The following SEPTIN11 variants were observed in gnomAD, a reference collection of about 807,000 sequenced individuals.
SEPTIN11 encodes the protein septin-11.
In SEPTIN11, 25 loss-of-function variants were observed where a neutral mutation model predicts 51.4. The observed-to-expected ratio is 0.49, with a 90% CI of 0.35 to 0.68. SEPTIN11 has a LOEUF of 0.68. Ranked by LOEUF, SEPTIN11 falls within the 30% of genes least tolerant of loss-of-function variation. SEPTIN11 has a pLI of 0.00. For missense variants in SEPTIN11, 381 were observed against 520.8 expected (o/e 0.73, Z 2.61); for synonymous variants, 174 against 184.1 (o/e 0.95, Z 0.44).
Position 77,036,734 on chromosome 4 carries a change from CT to C in SEPTIN11, c.*2228del. 6.5e-7 allele frequency: 1 copy of C among 1,534,838 alleles called. No homozygotes were observed. Among genetic ancestry groups the C allele is most frequent in the Non-Finnish European group, 8.7e-7 (1 of 1,146,634 alleles). On this transcript the variant is annotated 3_prime_UTR_variant, in exon 10 of 10. Transcript: ENST00000264893. ...TGTTTAGTTTGTTATTGCTGCTTTT[CT>C]TTTTTCTTTCTGTATCTATGCCTTT...
At chr4:77,016,599 C>CATATATATATACACACACAT (rs1725256875) in intron 5 of SEPTIN11, among the ~76,000 whole-genome samples, 6 of 62,456 alleles carry the variant, frequency 9.6e-5, no homozygotes, top group African/African-American at 3.3e-4. Context: ...TATACACACA[C>CATATATATATACACACACAT]ATATATATAT....
chr4:76,977,256 G>C (rs1358431503), intron 1 of SEPTIN11, among the ~76,000 whole-genome samples: 1 of 152,150 alleles, frequency 6.6e-6, no homozygotes, highest in African/African-American at 2.4e-5. Context: ...GTTTCCAAGG[G>C]CCTGAGTAAA....
At chr4:76,972,214 C>T (rs192900888) in intron 1 of SEPTIN11, among the ~76,000 whole-genome samples, 212 of 152,292 alleles carry the variant, frequency 1.4e-3, no homozygotes, top group African/African-American at 4.7e-3. Context: ...TTCTCCTAGC[C>T]AGTCATGTAT....
intron 6 of SEPTIN11, 110 bp downstream of exon 6, chr4:77,019,371 G>C: frequency 1.2e-6 from 1 of 800,078 alleles, no homozygotes; most frequent in South Asian, 2.1e-5. Context: ...TGGGCTGGCA[G>C]TGGGAGGGAG....
intron 8 of SEPTIN11, among the ~76,000 whole-genome samples, chr4:77,030,225 C>T (rs1578209113): frequency 6.6e-6 from 1 of 152,012 alleles, no homozygotes; most frequent in South Asian, 2.1e-4. Context: ...CACTACTCTC[C>T]AGCCTGGGCA....
At chr4:76,979,183 C>T (rs1395099552) in intron 1 of SEPTIN11, among the ~76,000 whole-genome samples, 4 of 152,174 alleles carry the variant, frequency 2.6e-5, no homozygotes, top group African/African-American at 9.7e-5. Flanking sequence ...AATGTACATT[C>T]TTTTGGGGGC....
At position 76,957,278 on chromosome 4, in the gene SEPTIN11, G is replaced by A. The variant is rs138668542; in HGVS notation, c.27+7348G>A. Among the ~76,000 whole-genome samples, 320 of 152,164 alleles carry A rather than the reference G, an allele frequency of 2.1e-3. 1 individual carries two copies. Among genetic ancestry groups the A allele is most frequent in the African/African-American group, 7.3e-3 (303 of 41,510 alleles). ...ACCTCGGCCCTTTGGACCTTTCCCA[G>A]CCATATGTCCCTAAATGCAGATGAA... On this transcript the variant is annotated intron_variant, in intron 1 of 9. Coordinates refer to ENST00000264893, the MANE Select transcript of SEPTIN11 (RefSeq NM_018243.4).
intron 2 of SEPTIN11, among the ~76,000 whole-genome samples, chr4:77,000,267 A>G (rs1191732992): frequency 1.3e-5 from 2 of 152,272 alleles, no homozygotes; most frequent in East Asian, 3.8e-4. Context: ...GTGTAAGGCC[A>G]TCTTAGCCAA....
intron 1 of SEPTIN11, among the ~76,000 whole-genome samples, chr4:76,993,591 G>A (rs1365337124): frequency 2.0e-5 from 3 of 152,092 alleles, no homozygotes; most frequent in East Asian, 1.9e-4. Flanking sequence ...CTCCAGTGCC[G>A]TTCTCTCCAG....
intron 1 of SEPTIN11, among the ~76,000 whole-genome samples, chr4:76,975,629 C>T (rs1409209151): frequency 6.6e-6 from 1 of 152,160 alleles, no homozygotes; most frequent in Non-Finnish European, 1.5e-5. Context: ...ATTTCATTCA[C>T]TCTGATGCAG....
chr4:77,038,057 C>T lies in SEPTIN11; in HGVS notation c.*3545C>T. 1 of 985,876 alleles carries T rather than the reference C, an allele frequency of 1.0e-6. No homozygotes were observed. The highest frequency in any genetic ancestry group is 1.2e-6 in the Non-Finnish European group (1 of 829,950). 61.1% of individuals were successfully genotyped at this position (985,876 alleles called of 1,614,324 possible). A position where few individuals can be genotyped will look rare whatever the true frequency, so the allele number is the denominator to read the frequency against. Reference sequence around the variant, plus strand: ...GTCCTGCTGTCTCTGTGTGGTCCTACAAAAACTGTCCATTCCCACCCCTTT... The same window carrying T: ...GTCCTGCTGTCTCTGTGTGGTCCTATAAAAACTGTCCATTCCCACCCCTTT... On this transcript the variant is annotated 3_prime_UTR_variant, in exon 10 of 10. Coordinates refer to ENST00000264893, the MANE Select transcript of SEPTIN11 (RefSeq NM_018243.4).
rs190831949 is a variant in SEPTIN11 at position 76,969,506 on chromosome 4, A to C, written c.27+19576A>C. On this transcript the variant is annotated intron_variant, in intron 1 of 9. Transcript: ENST00000264893. Reference sequence around the variant, plus strand: ...AGAGAAATTTGAGAAAATGTTGGGAACTCTGAATCATATTTCAGGCCCCTA... The same window carrying C: ...AGAGAAATTTGAGAAAATGTTGGGACCTCTGAATCATATTTCAGGCCCCTA... 2.5e-3 allele frequency among the ~76,000 whole-genome samples: 378 copies of C among 152,220 alleles called. 2 individuals are homozygous for C. Among genetic ancestry groups the C allele is most frequent in the African/African-American group, 8.5e-3 (352 of 41,518 alleles).
In SEPTIN11 at chr4:76,982,392, G is replaced by A. The variant is rs891511804; in HGVS notation, c.28-14033G>A. Among the ~76,000 whole-genome samples the A allele has an allele frequency of 3.3e-5, 5 of 151,906 alleles. 1 individual carries two copies. Among genetic ancestry groups the A allele is most frequent in the African/African-American group, 1.2e-4 (5 of 41,332 alleles). On this transcript the variant is annotated intron_variant, in intron 1 of 9. Coordinates refer to ENST00000264893, the MANE Select transcript of SEPTIN11 (RefSeq NM_018243.4). ...TGCCTGGCTAATTTTTGTATTTTTA[G>A]TAGATACGGGGTTTCACCATGTTGG...
At chr4:76,989,959 G>A (rs1226422319) in intron 1 of SEPTIN11, among the ~76,000 whole-genome samples, 2 of 152,158 alleles carry the variant, frequency 1.3e-5, no homozygotes, top group Non-Finnish European at 2.9e-5. Flanking sequence ...GAGTGTTGCA[G>A]CTCTTAAAGG....
rs1384825361 is a variant in SEPTIN11, at chr4:76,990,761, A to C, written c.28-5664A>C. Among the ~76,000 whole-genome samples, 3 of 152,252 alleles carry C rather than the reference A, an allele frequency of 2.0e-5. No homozygotes were observed. The East Asian group carries it at 5.8e-4, about 29-fold the overall frequency. ...GACCACTGCTCTAGAATGTTCACAC[A>C]AGAACAAAATCACCTACTGGCATGT... On this transcript the variant is annotated intron_variant, in intron 1 of 9. Transcript: ENST00000264893.
intron 5 of SEPTIN11, among the ~76,000 whole-genome samples, chr4:77,016,627 T>TAC (rs1725278185): frequency 1.3e-5 from 1 of 74,704 alleles, no homozygotes; most frequent in Non-Finnish European, 2.6e-5. Flanking sequence ...TATATATATA[T>TAC]ATACACATAT....
chr4:76,968,063 A>G (rs1353229824), intron 1 of SEPTIN11, among the ~76,000 whole-genome samples: 6 of 152,164 alleles, frequency 3.9e-5, no homozygotes, highest in African/African-American at 1.4e-4. Flanking sequence ...CTCCGCAAAA[A>G]CATATGCTAT....
chr4:76,953,647 G>A (rs1488693753), intron 1 of SEPTIN11, among the ~76,000 whole-genome samples: 2 of 152,092 alleles, frequency 1.3e-5, no homozygotes, highest in African/African-American at 4.8e-5. Context: ...GTCATCTCAG[G>A]TCAGTTTTCA....
intron 7 of SEPTIN11, among the ~76,000 whole-genome samples, chr4:77,027,003 G>A (rs776457088): frequency 3.9e-5 from 6 of 152,144 alleles, no homozygotes; most frequent in Admixed American, 1.3e-4. Flanking sequence ...ATGTGAAAGC[G>A]AAATGTACCT....
Sources: gnomAD v4.1 joint callset for allele counts (sites outside exome capture counted in the v4.1 genomes callset) on GRCh38, gnomAD v4.1.1 for gene constraint, MANE v1.5 for transcripts, NCBI Gene and HGNC (gene_info 2026-07-23, HGNC 2026-07-21) for gene names.